SLC14A2: variants seen among roughly 807,000 people sequenced by gnomAD.
SLC14A2 encodes urea transporter 2.
Under a neutral mutation model 104.6 loss-of-function variants are expected in SLC14A2, and 91 were observed. The ratio of observed to expected loss-of-function variants is 0.87; its 90% CI spans 0.73 to 1.04. The LOEUF is 1.04. Among genes scored for constraint, SLC14A2 ranks in the 50% least tolerant of loss-of-function variants. SLC14A2 has a pLI of 0.00. For synonymous variants in SLC14A2, 476 were observed against 466.4 expected (o/e 1.02, Z -0.27); for missense variants, 1,189 against 1,156.0 (o/e 1.03, Z -0.41).
chr18:45,623,374 T>C (rs1351868811), intron 1 of SLC14A2, among the ~76,000 whole-genome samples: 1 of 152,206 alleles, frequency 6.6e-6, no homozygotes, highest in African/African-American at 2.4e-5. Flanking sequence ...TTAAAGTTAC[T>C]GGAGGGGGAT....
chr18:45,546,870 T>C (rs1177156691), intron 2 of SLC14A2, among the ~76,000 whole-genome samples: 1 of 152,236 alleles, frequency 6.6e-6, no homozygotes, highest in African/African-American at 2.4e-5. Flanking sequence ...TGGATGCTTT[T>C]AGATGTCCCT....
chr18:45,667,100 A>C lies in SLC14A2; in HGVS notation c.1717+6A>C. The C allele has an allele frequency of 6.2e-7, 1 of 1,611,504 alleles. No individual in the cohort carries two copies. Among genetic ancestry groups the C allele is most frequent in the Non-Finnish European group, 8.5e-7 (1 of 1,178,546 alleles). ...GTGTGGAGAGGGACTTAAAGGTAAA[A>C]TTCTATGAGAACAACACTGACCCTG... On this transcript the variant is annotated splice_donor_region_variant and intron_variant, in intron 13 of 19. Transcript: ENST00000255226.
At chr18:45,626,850 G>T in intron 3 of SLC14A2, 108 bp from the exon 4 acceptor site, 1 of 559,946 alleles carries the variant, frequency 1.8e-6, no homozygotes, top group Non-Finnish European at 2.9e-6. Flanking sequence ...TGAATGGGAA[G>T]GGTCCTGGCT....
At chr18:45,430,720 C>T (rs2086501296) in intron 1 of SLC14A2, among the ~76,000 whole-genome samples, 6 of 152,090 alleles carry the variant, frequency 3.9e-5, no homozygotes, top group Admixed American at 3.9e-4. Flanking sequence ...GGACTACAGG[C>T]ACCCACCACC....
At chr18:45,469,736 A>C (rs1178308065) in intron 1 of SLC14A2, among the ~76,000 whole-genome samples, 1 of 152,202 alleles carries the variant, frequency 6.6e-6, no homozygotes. Flanking sequence ...AGTGAAGAGC[A>C]TCCAGAGAAA....
chr18:45,225,435 A>G (rs1445855444), intron 1 of SLC14A2, among the ~76,000 whole-genome samples: 1 of 152,162 alleles, frequency 6.6e-6, no homozygotes, highest in Non-Finnish European at 1.5e-5. Flanking sequence ...TGATGCCTCC[A>G]GCTTTGTTCT....
At chr18:45,504,292 G>A (rs1478954185) in intron 2 of SLC14A2, among the ~76,000 whole-genome samples, 1 of 152,168 alleles carries the variant, frequency 6.6e-6, no homozygotes, top group Non-Finnish European at 1.5e-5. Flanking sequence ...CAACAGGGGA[G>A]GAAAGCCCAC....
chr18:45,640,780 C>T (rs1352959419), intron 7 of SLC14A2, among the ~76,000 whole-genome samples: 2 of 152,194 alleles, frequency 1.3e-5, no homozygotes, highest in Non-Finnish European at 1.5e-5. Context: ...ACTCCTTCTG[C>T]TGTATCATTC....
At chr18:45,470,656 A>T (rs1390137088) in intron 1 of SLC14A2, among the ~76,000 whole-genome samples, 1 of 152,122 alleles carries the variant, frequency 6.6e-6, no homozygotes, top group Non-Finnish European at 1.5e-5. Context: ...AATCCTCTGT[A>T]TCCTTACTAG....
chr18:45,438,373 T>G (rs2086629875), intron 1 of SLC14A2: 1 of 152,182 alleles, frequency 6.6e-6, no homozygotes, highest in Non-Finnish European at 1.5e-5. Context: ...ATATTTTTTA[T>G]TCCACAGCTA....
intron 16 of SLC14A2, 54 bp downstream of exon 16, chr18:45,669,552 C>A: frequency 6.9e-7 from 1 of 1,442,340 alleles, no homozygotes; most frequent in Non-Finnish European, 9.5e-7. Context: ...ATGTTACTGG[C>A]ATTTGCATAT....
chr18:45,589,013 A>G (rs990018398), intron 2 of SLC14A2, among the ~76,000 whole-genome samples: 3 of 152,066 alleles, frequency 2.0e-5, no homozygotes, highest in African/African-American at 4.8e-5. Context: ...TGACTGAACA[A>G]AGAGAGCAAA....
intron 1 of SLC14A2, among the ~76,000 whole-genome samples, chr18:45,345,519 T>C (rs1555677798): frequency 6.6e-6 from 1 of 152,188 alleles, no homozygotes; most frequent in Non-Finnish European, 1.5e-5. Context: ...CTTTTGTTTA[T>C]TACCCTGATC....
At chr18:45,327,006 C>T (rs2085241413) in intron 1 of SLC14A2, among the ~76,000 whole-genome samples, 1 of 152,014 alleles carries the variant, frequency 6.6e-6, no homozygotes, top group Non-Finnish European at 1.5e-5. Flanking sequence ...ATCAATCAGT[C>T]ATTCTATCTA....
At chr18:45,189,067 G>A in the SLC14A2 span, among the ~76,000 whole-genome samples, 1 of 152,036 alleles carries the variant, frequency 6.6e-6, no homozygotes. Flanking sequence ...CTGTTTTCTG[G>A]GCAAAAGCCA....
At chr18:45,461,865 T>C (rs2087051392) in intron 1 of SLC14A2, among the ~76,000 whole-genome samples, 1 of 152,234 alleles carries the variant, frequency 6.6e-6, no homozygotes, top group Non-Finnish European at 1.5e-5. Context: ...ATACTGTGAA[T>C]TAATGCTAGA....
In SLC14A2 at chr18:45,266,953, C is replaced by T. The variant is rs144790128; in HGVS notation, c.-125+53762C>T. The stretch of plus-strand genomic sequence containing the variant: ...ACAGAATGGAGTCAGGGCAGTGACA[C>T]GTCTCCTCAAACATGACATAGATCT... On this transcript the variant is annotated intron_variant, in intron 1 of 20. Transcript: ENST00000586448. 4.6e-3 allele frequency among the ~76,000 whole-genome samples: 697 copies of T among 152,198 alleles called. 4 individuals carry two copies. Among genetic ancestry groups the T allele is most frequent in the African/African-American group, 0.015 (640 of 41,540 alleles).
At chr18:45,197,605 G>C in the SLC14A2 span, among the ~76,000 whole-genome samples, 1 of 152,288 alleles carries the variant, frequency 6.6e-6, no homozygotes, top group South Asian at 2.1e-4. Flanking sequence ...GATTTCAGAG[G>C]CAGCCTCTGG....
At chr18:45,212,274 A>G (rs2083968030), upstream of SLC14A2, among the ~76,000 whole-genome samples, 1 of 152,212 alleles carries the variant, frequency 6.6e-6, no homozygotes, top group African/African-American at 2.4e-5. Context: ...GTTAATTTGC[A>G]CATTGTAAGA....
Sources: allele counts gnomAD v4.1 joint callset (sites outside exome capture counted in the v4.1 genomes callset), GRCh38; gene constraint gnomAD v4.1.1; transcripts MANE v1.5; gene names NCBI Gene and HGNC (gene_info 2026-07-23, HGNC 2026-07-21).